CRPPA: variants seen among roughly 807,000 people sequenced by gnomAD.
The protein encoded by CRPPA is D-ribitol-5-phosphate cytidylyltransferase.
CRPPA carries 43 observed loss-of-function variants against 52.0 expected under a neutral mutation model. The observed-to-expected ratio is 0.83, with a 90% CI of 0.65 to 1.07. The LOEUF is 1.07. CRPPA is among the 50% of genes least tolerant of loss of function. The pLI is 0.00. For synonymous variants in CRPPA, 250 were observed against 203.5 expected (o/e 1.23, Z -1.94); for missense variants, 629 against 551.7 (o/e 1.14, Z -1.40).
chr7:16,239,289 A>T (rs1011134111), intron 8 of CRPPA, among the ~76,000 whole-genome samples: 3 of 152,000 alleles, frequency 2.0e-5, no homozygotes, highest in African/African-American at 7.2e-5. Flanking sequence ...TTGTGCCTTA[A>T]ATCTTAACTC....
chr7:16,284,833 T>C (rs1013134145), intron 5 of CRPPA, among the ~76,000 whole-genome samples: 9 of 151,972 alleles, frequency 5.9e-5, no homozygotes, highest in Non-Finnish European at 1.3e-4. Context: ...ATTAAGATTG[T>C]CTCAAAAAAA....
At chr7:16,221,081 T>G (rs1583441912) in intron 8 of CRPPA, among the ~76,000 whole-genome samples, 2 of 152,174 alleles carry the variant, frequency 1.3e-5, no homozygotes, top group Non-Finnish European at 2.9e-5. Flanking sequence ...AGCATGGTAC[T>G]GGTACCAAAA....
chr7:16,403,139 G>C (rs1369352209), intron 2 of CRPPA, among the ~76,000 whole-genome samples: 1 of 151,604 alleles, frequency 6.6e-6, no homozygotes, highest in Non-Finnish European at 1.5e-5. Context: ...TAGTGAGGGG[G>C]GGAAAAAAAC....
intron 2 of CRPPA, among the ~76,000 whole-genome samples, chr7:16,384,149 G>A (rs1050951793): frequency 3.3e-5 from 5 of 152,062 alleles, no homozygotes; most frequent in East Asian, 1.9e-4. Flanking sequence ...CTGCAGCCGT[G>A]TTAGGGCCAC....
chr7:16,325,151 G>C (rs975485115), intron 3 of CRPPA, among the ~76,000 whole-genome samples: 1 of 152,188 alleles, frequency 6.6e-6, no homozygotes, highest in African/African-American at 2.4e-5. Context: ...GGTTGGCAAA[G>C]ATGACTAAAT....
intron 3 of CRPPA, among the ~76,000 whole-genome samples, chr7:16,374,039 G>T (rs766034549): frequency 6.6e-6 from 1 of 152,072 alleles, no homozygotes; most frequent in Non-Finnish European, 1.5e-5. Context: ...GTTAATATTA[G>T]GTATTAACTT....
At chr7:16,242,876 A>C (rs1201906010) in intron 8 of CRPPA, among the ~76,000 whole-genome samples, 1 of 152,218 alleles carries the variant, frequency 6.6e-6, no homozygotes, top group African/African-American at 2.4e-5. Flanking sequence ...GCATAGAATC[A>C]TAATGTCATA....
At chr7:16,300,503 C>T (rs1784769796) in intron 5 of CRPPA, among the ~76,000 whole-genome samples, 1 of 152,096 alleles carries the variant, frequency 6.6e-6, no homozygotes, top group Non-Finnish European at 1.5e-5. Context: ...GCTAGGAGTC[C>T]ATATTTTAAA....
At chr7:16,299,183 A>G (rs1784737324) in intron 5 of CRPPA, among the ~76,000 whole-genome samples, 1 of 152,132 alleles carries the variant, frequency 6.6e-6, no homozygotes, top group Admixed American at 6.5e-5. Flanking sequence ...ACTATATTAC[A>G]CTTTGGAATT....
At chr7:16,240,730 C>A (rs535753165) in intron 8 of CRPPA, among the ~76,000 whole-genome samples, 141 of 152,092 alleles carry the variant, frequency 9.3e-4, no homozygotes, top group African/African-American at 3.2e-3. Flanking sequence ...TGAACTTGTG[C>A]CTTGAAAACA....
chr7:16,367,327 A>C (rs1490160085), intron 3 of CRPPA, among the ~76,000 whole-genome samples: 2 of 152,180 alleles, frequency 1.3e-5, no homozygotes, highest in African/African-American at 4.8e-5. Context: ...CCGAACAACT[A>C]AGCAAAAACA....
intron 8 of CRPPA, among the ~76,000 whole-genome samples, chr7:16,219,088 T>C (rs984738712): frequency 1.8e-4 from 27 of 152,122 alleles, no homozygotes; most frequent in Non-Finnish European, 3.2e-4. Context: ...TTATAACGAA[T>C]TATCTCTCAG....
intron 9 of CRPPA, among the ~76,000 whole-genome samples, chr7:16,211,575 C>A (rs1040119761): frequency 1.1e-4 from 16 of 151,966 alleles, no homozygotes; most frequent in African/African-American, 3.9e-4. Flanking sequence ...CCCATGATTA[C>A]CATAAAAAAA....
At chr7:16,361,587 T>A (rs1212008339) in intron 3 of CRPPA, among the ~76,000 whole-genome samples, 1 of 152,142 alleles carries the variant, frequency 6.6e-6, no homozygotes, top group Non-Finnish European at 1.5e-5. Flanking sequence ...AAAGACATGA[T>A]GCTAAGTGAA....
At chr7:16,176,698 T>G (rs531160089) in intron 9 of CRPPA, among the ~76,000 whole-genome samples, 1 of 152,254 alleles carries the variant, frequency 6.6e-6, no homozygotes, top group Admixed American at 6.5e-5. Flanking sequence ...CACCTCAGCC[T>G]CCGCAGTAGC....
chr7:16,397,837 A>T (rs928546005), intron 2 of CRPPA, among the ~76,000 whole-genome samples: 2 of 152,176 alleles, frequency 1.3e-5, no homozygotes, highest in African/African-American at 2.4e-5. Context: ...TCCACAAAGG[A>T]TCAACACGTA....
chr7:16,397,902 G>C (rs1442633579), intron 2 of CRPPA, among the ~76,000 whole-genome samples: 4 of 152,178 alleles, frequency 2.6e-5, no homozygotes, highest in Non-Finnish European at 5.9e-5. Context: ...ACCAAAGCAT[G>C]TTTGACGTGA....
chr7:16,125,886 C>A lies in CRPPA; in HGVS notation c.1252-34087G>T, dbSNP rs528704386. Among the ~76,000 whole-genome samples, 6 of 102,670 alleles carry A rather than the reference C, an allele frequency of 5.8e-5. No homozygotes were observed. The South Asian group carries it at 2.3e-3, about 39-fold the overall frequency. 67.4% of individuals were successfully genotyped at this position (102,670 alleles called of 152,430 possible). A position where few individuals can be genotyped will look rare whatever the true frequency, so the allele number is the denominator to read the frequency against. On this transcript the variant is annotated intron_variant, in intron 9 of 9. Coordinates refer to ENST00000407010, the MANE Select transcript of CRPPA (RefSeq NM_001101426.4). ...GTGTTAGATGTACAATAGAAGCTTG[C>A]CTACACACACACACACACACACACA...
intron 1 of CRPPA, 64 bp downstream of exon 1, chr7:16,421,002 G>A (rs1356183688): frequency 8.1e-7 from 1 of 1,240,940 alleles, no homozygotes; most frequent in Non-Finnish European, 1.0e-6. Flanking sequence ...CTAGAGCAGC[G>A]GCAGGGCGGG....
Sources: gnomAD v4.1 joint callset for allele counts (sites outside exome capture counted in the v4.1 genomes callset) on GRCh38, gnomAD v4.1.1 for gene constraint, MANE v1.5 for transcripts, NCBI Gene and HGNC (gene_info 2026-07-23, HGNC 2026-07-21) for gene names.